PTPRO: variants seen among roughly 807,000 people sequenced by gnomAD.
The protein encoded by PTPRO is receptor-type tyrosine-protein phosphatase O.
PTPRO carries 62 observed loss-of-function variants against 145.2 expected under a neutral mutation model. The ratio of observed to expected loss-of-function variants is 0.43; its 90% CI spans 0.35 to 0.53. The LOEUF is 0.53. PTPRO is among the 20% of genes least tolerant of loss of function. The pLI, the probability that PTPRO is intolerant of heterozygous loss-of-function variation, is 0.01. For synonymous variants in PTPRO, 565 were observed against 514.7 expected (o/e 1.10, Z -1.32); for missense variants, 1,345 against 1,482.7 (o/e 0.91, Z 1.53).
At chr12:15,455,056 C>T (rs1164770775) in intron 1 of PTPRO, among the ~76,000 whole-genome samples, 1 of 152,106 alleles carries the variant, frequency 6.6e-6, no homozygotes, top group Non-Finnish European at 1.5e-5. Context: ...TATTCAGAAT[C>T]CTATGTGGTT....
At chr12:15,590,915 T>A (rs1191743822) in intron 25 of PTPRO, among the ~76,000 whole-genome samples, 1 of 152,296 alleles carries the variant, frequency 6.6e-6, no homozygotes, top group Non-Finnish European at 1.5e-5. Flanking sequence ...CGGTCCATAT[T>A]TTTGGCTTTT....
intron 25 of PTPRO, among the ~76,000 whole-genome samples, chr12:15,594,167 A>G (rs1464694808): frequency 6.6e-6 from 1 of 152,040 alleles, no homozygotes; most frequent in African/African-American, 2.4e-5. Context: ...ATTCTTTTTA[A>G]CTTTTTAAAA....
intron 1 of PTPRO, among the ~76,000 whole-genome samples, chr12:15,428,049 T>C (rs1020893781): frequency 2.0e-5 from 3 of 152,156 alleles, no homozygotes; most frequent in Non-Finnish European, 2.9e-5. Context: ...GCTTCTTCCC[T>C]GACTAGGAGA....
chr12:15,377,213 C>T (rs567590632), intron 1 of PTPRO, among the ~76,000 whole-genome samples: 1 of 151,792 alleles, frequency 6.6e-6, no homozygotes, highest in East Asian at 1.9e-4. Flanking sequence ...AAAGAAACAA[C>T]AAAATAATTA....
At chr12:15,392,823 A>C (rs919533194) in intron 1 of PTPRO, among the ~76,000 whole-genome samples, 2 of 151,670 alleles carry the variant, frequency 1.3e-5, no homozygotes, top group Non-Finnish European at 2.9e-5. Flanking sequence ...TCATGGCCCC[A>C]TCCTGCTAGC....
intron 1 of PTPRO, among the ~76,000 whole-genome samples, chr12:15,445,026 T>A (rs948837255): frequency 6.6e-6 from 1 of 152,166 alleles, no homozygotes; most frequent in Non-Finnish European, 1.5e-5. Context: ...TGTCATATAA[T>A]GCAATCACTT....
chr12:15,544,505 T>TG (rs1943242027), intron 12 of PTPRO, among the ~76,000 whole-genome samples: 1 of 38,874 alleles, frequency 2.6e-5, no homozygotes, highest in Non-Finnish European at 4.4e-5. Flanking sequence ...AGACTCCATC[T>TG]CAAAAAAAAA....
intron 1 of PTPRO, among the ~76,000 whole-genome samples, chr12:15,405,825 G>A (rs576199251): frequency 2.7e-4 from 41 of 152,138 alleles, no homozygotes; most frequent in African/African-American, 9.4e-4. Flanking sequence ...CCATTTCATC[G>A]AGAGTGATGG....
At chr12:15,473,539 A>G (rs1017147874) in intron 1 of PTPRO, among the ~76,000 whole-genome samples, 1 of 152,068 alleles carries the variant, frequency 6.6e-6, no homozygotes, top group Non-Finnish European at 1.5e-5. Context: ...TCTGAGGCGC[A>G]CAGACCACCT....
intron 1 of PTPRO, among the ~76,000 whole-genome samples, chr12:15,463,416 ATTT>A (rs540004806): frequency 6.6e-6 from 1 of 152,182 alleles, no homozygotes; most frequent in Non-Finnish European, 1.5e-5. Flanking sequence ...TTTATCTATG[ATTT>A]TTTTAAGAAT....
chr12:15,406,929 G>A (rs895639437), intron 1 of PTPRO, among the ~76,000 whole-genome samples: 4 of 152,182 alleles, frequency 2.6e-5, no homozygotes, highest in African/African-American at 9.7e-5. Context: ...CATCACTAAA[G>A]TAGCATAGAC....
chr12:15,373,005 G>A (rs1207414973), intron 1 of PTPRO, among the ~76,000 whole-genome samples: 1 of 152,146 alleles, frequency 6.6e-6, no homozygotes, highest in East Asian at 1.9e-4. Flanking sequence ...ACTGTCACAA[G>A]GGCAAATTGG....
intron 23 of PTPRO, among the ~76,000 whole-genome samples, 156 bp downstream of exon 23, chr12:15,581,957 TTA>T: frequency 3.3e-5 from 5 of 152,170 alleles, no homozygotes; most frequent in Admixed American, 3.3e-4. Context: ...TCTCACAGCT[TTA>T]AGAGCTGAGA....
intron 1 of PTPRO, chr12:15,439,943 G>A: frequency 7.3e-6 from 5 of 681,888 alleles, no homozygotes; most frequent in Non-Finnish European, 1.3e-5. Context: ...CGGTCTGGGT[G>A]TTAAGTGCTC....
intron 1 of PTPRO, among the ~76,000 whole-genome samples, chr12:15,387,304 A>C (rs1939056085): frequency 6.7e-6 from 1 of 149,864 alleles, no homozygotes; most frequent in Non-Finnish European, 1.5e-5. Flanking sequence ...GCCTTGTCCA[A>C]TAAAAATAGT....
In PTPRO at chr12:15,534,082, C is replaced by G. The variant is rs74063850; in HGVS notation, c.2164+7820C>G. On this transcript the variant is annotated intron_variant, in intron 12 of 26. Coordinates refer to ENST00000281171, the MANE Select transcript of PTPRO (RefSeq NM_030667.3). ...AAAAAGAAATGCACCAATAATGGTGCTTTTCCCAGGATGTTGAACCAACCA... is the reference window on the plus strand; with the variant it reads ...AAAAAGAAATGCACCAATAATGGTGGTTTTCCCAGGATGTTGAACCAACCA... 9.3e-4 allele frequency among the ~76,000 whole-genome samples: 141 copies of G among 152,200 alleles called. 1 individual carries two copies. The highest frequency in any genetic ancestry group is 3.3e-3 in the African/African-American group (135 of 41,532).
chr12:15,586,001 G>T (rs1164157166), intron 23 of PTPRO, among the ~76,000 whole-genome samples: 1 of 152,172 alleles, frequency 6.6e-6, no homozygotes, highest in Non-Finnish European at 1.5e-5. Context: ...CCATACAATT[G>T]CACGGAGCTG....
intron 1 of PTPRO, among the ~76,000 whole-genome samples, chr12:15,447,466 C>T (rs1940930084): frequency 6.6e-6 from 1 of 152,062 alleles, no homozygotes; most frequent in Admixed American, 6.6e-5. Flanking sequence ...CCCCACCAGC[C>T]TTCACTAATT....
chr12:15,444,918 C>T (rs1940863495), intron 1 of PTPRO, among the ~76,000 whole-genome samples: 1 of 152,088 alleles, frequency 6.6e-6, no homozygotes, highest in Non-Finnish European at 1.5e-5. Flanking sequence ...TTCCACAGAC[C>T]AGTCTTTGAA....
Sources: allele counts gnomAD v4.1 joint callset (sites outside exome capture counted in the v4.1 genomes callset), GRCh38; gene constraint gnomAD v4.1.1; transcripts MANE v1.5; gene names NCBI Gene and HGNC (gene_info 2026-07-23, HGNC 2026-07-21).